Variants in CTNNA2 observed in about 807,000 individuals in gnomAD.
CTNNA2 encodes catenin alpha 2, also known as catenin alpha-2.
CTNNA2 carries 42 observed loss-of-function variants against 101.0 expected under a neutral mutation model. The observed-to-expected ratio is 0.42, with a 90% CI of 0.32 to 0.54. The LOEUF is 0.54. Among genes scored for constraint, CTNNA2 ranks in the 20% least tolerant of loss-of-function variants. CTNNA2 has a pLI of 0.14. For synonymous variants in CTNNA2, 450 were observed against 456.4 expected, an observed-to-expected ratio of 0.99 and a Z score of 0.18; for missense variants, 871 against 1,223.1, an observed-to-expected ratio of 0.71 and a Z score of 4.29.
At chr2:79,671,265 G>C (rs1341574747) in intron 2 of CTNNA2, among the ~76,000 whole-genome samples, 2 of 152,156 alleles carry the variant, frequency 1.3e-5, no homozygotes, top group Non-Finnish European at 2.9e-5. Flanking sequence ...CACACTGTGG[G>C]GCATTTTGAC....
At chr2:80,141,287 T>C (rs552981348) in intron 7 of CTNNA2, among the ~76,000 whole-genome samples, 1 of 152,018 alleles carries the variant, frequency 6.6e-6, no homozygotes, top group South Asian at 2.1e-4. Context: ...AGGCCACAAT[T>C]CAACATGTAA....
chr2:79,445,641 T>C (rs758672051), intron 4 of CTNNA2, among the ~76,000 whole-genome samples: 5 of 152,140 alleles, frequency 3.3e-5, no homozygotes, highest in Non-Finnish European at 7.4e-5. Context: ...AAGCTATTAA[T>C]TGTGGGATGT....
intron 5 of CTNNA2, among the ~76,000 whole-genome samples, chr2:79,505,664 C>A (rs1671396706): frequency 6.6e-6 from 1 of 152,148 alleles, no homozygotes; most frequent in Non-Finnish European, 1.5e-5. Context: ...CTCCTGGAGC[C>A]AGAGGTGAGA....
intron 7 of CTNNA2, among the ~76,000 whole-genome samples, chr2:79,917,914 T>C (rs1379977615): frequency 6.6e-6 from 1 of 152,110 alleles, no homozygotes; most frequent in Non-Finnish European, 1.5e-5. Context: ...GTGTTCTGGA[T>C]ACAGTACCCA....
chr2:79,921,553 ACT>A (rs1448742614), intron 7 of CTNNA2, among the ~76,000 whole-genome samples: 1 of 151,904 alleles, frequency 6.6e-6, no homozygotes, highest in African/African-American at 2.4e-5. Context: ...TCACCTCACC[ACT>A]CTCAAACACA....
At chr2:79,576,868 A>G (rs1675832139) in intron 1 of CTNNA2, among the ~76,000 whole-genome samples, 2 of 152,166 alleles carry the variant, frequency 1.3e-5, no homozygotes, top group Admixed American at 1.3e-4. Context: ...ACTATGGATC[A>G]TTTGAGAAAG....
At chr2:79,826,178 G>GA (rs569941269) in intron 3 of CTNNA2, among the ~76,000 whole-genome samples, 22 of 151,590 alleles carry the variant, frequency 1.5e-4, no homozygotes, top group East Asian at 1.2e-3. Context: ...AAAATAAAAA[G>GA]AAAAAAAACA....
chr2:80,487,280 CAAAAA>C (rs57561004), intron 9 of CTNNA2, among the ~76,000 whole-genome samples: 1 of 68,514 alleles, frequency 1.5e-5, no homozygotes, highest in African/African-American at 3.8e-5. Context: ...TACTCTGTCT[CAAAAA>C]AAAAAAAAAA....
chr2:79,744,658 G>A (rs979695577), intron 3 of CTNNA2, 76 bp downstream of exon 3: 5 of 1,328,908 alleles, frequency 3.8e-6, no homozygotes, highest in Non-Finnish European at 5.1e-6. Flanking sequence ...TAGAATCAAT[G>A]GATATTTACT....
At chr2:80,126,759 G>A (rs80184779) in intron 7 of CTNNA2, among the ~76,000 whole-genome samples, 22 of 151,446 alleles carry the variant, frequency 1.5e-4, no homozygotes, top group African/African-American at 4.4e-4. Context: ...GTTTCCCTCA[G>A]GGCTTGATTA....
chr2:80,486,372 C>T (rs1686583945), intron 9 of CTNNA2, among the ~76,000 whole-genome samples: 1 of 152,106 alleles, frequency 6.6e-6, no homozygotes, highest in Non-Finnish European at 1.5e-5. Context: ...TTCACAAACC[C>T]TGTGACTTCT....
intron 7 of CTNNA2, among the ~76,000 whole-genome samples, chr2:80,361,684 A>C (rs1674419682): frequency 6.6e-6 from 1 of 152,116 alleles, no homozygotes; most frequent in African/African-American, 2.4e-5. Context: ...CAAGGGATGG[A>C]TTCTGGAGGC....
chr2:80,521,247 A>G (rs1689522894), intron 9 of CTNNA2, among the ~76,000 whole-genome samples: 2 of 152,212 alleles, frequency 1.3e-5, no homozygotes, highest in South Asian at 4.1e-4. Context: ...TGGAAGAACA[A>G]AAGAGAAACT....
chr2:79,839,825 A>G (rs1310759767), intron 3 of CTNNA2, among the ~76,000 whole-genome samples: 1 of 152,084 alleles, frequency 6.6e-6, no homozygotes, highest in Non-Finnish European at 1.5e-5. Flanking sequence ...TATTCATTTA[A>G]TATTTTCTAT....
chr2:80,459,191 C>T (rs1388358988), intron 9 of CTNNA2, among the ~76,000 whole-genome samples: 1 of 152,170 alleles, frequency 6.6e-6, no homozygotes. Flanking sequence ...ATGATGAAAC[C>T]ACCTAAGGAT....
chr2:79,278,796 C>T (rs1187537350), intron 2 of CTNNA2, among the ~76,000 whole-genome samples: 1 of 152,034 alleles, frequency 6.6e-6, no homozygotes, highest in Non-Finnish European at 1.5e-5. Context: ...TTGAAGCCAT[C>T]AGGCAATACA....
At chr2:79,398,061 C>G (rs1208978525) in intron 4 of CTNNA2, among the ~76,000 whole-genome samples, 1 of 152,094 alleles carries the variant, frequency 6.6e-6, no homozygotes, top group Non-Finnish European at 1.5e-5. Context: ...TCTCTTGGCT[C>G]TAAGTCTCAG....
rs770808182 is a variant in CTNNA2 at position 79,858,224 on chromosome 2, A to G, written c.465+45A>G. On this transcript the variant is annotated intron_variant, in intron 4 of 18. Coordinates refer to ENST00000402739, the MANE Select transcript of CTNNA2 (RefSeq NM_001282597.3). Reference sequence around the variant, plus strand: ...CAAAACTTTCTTTATGTGAGTGGCAATCTTGACCGTGTGTATTACAGCTCT... The same window carrying G: ...CAAAACTTTCTTTATGTGAGTGGCAGTCTTGACCGTGTGTATTACAGCTCT... The G allele has an allele frequency of 3.5e-5, 52 of 1,489,600 alleles. No individual in the cohort carries two copies. In the East Asian group the frequency reaches 8.0e-4, roughly 23 times the overall value. 92.3% of individuals were successfully genotyped at this position (1,489,600 alleles called of 1,614,324 possible). A position where few individuals can be genotyped will look rare whatever the true frequency, so the allele number is the denominator to read the frequency against.
intron 7 of CTNNA2, among the ~76,000 whole-genome samples, chr2:80,187,213 G>C (rs1260028256): frequency 6.6e-6 from 1 of 152,166 alleles, no homozygotes; most frequent in Non-Finnish European, 1.5e-5. Context: ...ATCACTGGCA[G>C]CAAACAGTAT....
Sources: gnomAD v4.1 joint callset for allele counts (sites outside exome capture counted in the v4.1 genomes callset) on GRCh38, gnomAD v4.1.1 for gene constraint, MANE v1.5 for transcripts, NCBI Gene and HGNC (gene_info 2026-07-23, HGNC 2026-07-21) for gene names.